POLRMT: variants seen among roughly 807,000 people sequenced by gnomAD.
POLRMT encodes the protein RNA polymerase mitochondrial, also known as DNA-directed RNA polymerase, mitochondrial.
Under a neutral mutation model 132.2 loss-of-function variants are expected in POLRMT, and 114 were observed. The observed-to-expected ratio is 0.86, with a 90% CI of 0.74 to 1.01. The LOEUF (loss-of-function observed/expected upper bound fraction) is 1.01. POLRMT is among the 50% of genes least tolerant of loss of function. POLRMT has a pLI of 0.00. For synonymous variants in POLRMT, 1,020 were observed against 773.4 expected (o/e 1.32, Z -5.29); for missense variants, 2,003 against 1,729.1 (o/e 1.16, Z -2.81).
chr19:622,848 C>T lies in POLRMT; in HGVS notation c.1428G>A (p.Glu476=), dbSNP rs1772228701. 2 of 1,604,240 alleles carry T rather than the reference C, an allele frequency of 1.2e-6. No homozygotes were observed. The highest frequency in any genetic ancestry group is 1.7e-6 in the Non-Finnish European group (2 of 1,176,248). Residue 476 remains glutamate (E), a synonymous_variant, in exon 7 of 21, where the codon GAG becomes GAA. Coordinates refer to ENST00000588649, the MANE Select transcript of POLRMT (RefSeq NM_005035.4). The part of the protein sequence containing the change: ...SLYPFLCLLD[E]REVVRMLLQV... Reference sequence around the variant, plus strand: ...GCAGGAGCATCCGCACCACCTCGCGCTCGTCCAGCAGGCACAGGAAGGGGT... The same window carrying T: ...GCAGGAGCATCCGCACCACCTCGCGTTCGTCCAGCAGGCACAGGAAGGGGT...
intron 5 of POLRMT, among the ~76,000 whole-genome samples, chr19:624,278 G>A (rs1984856706): frequency 6.6e-6 from 1 of 152,124 alleles, no homozygotes; most frequent in South Asian, 2.1e-4. Context: ...CCACAGATGG[G>A]GAGGGGATGG....
At position 620,392 on chromosome 19, in the gene POLRMT, G is replaced by C. The variant is rs55870082; in HGVS notation, c.2736C>G (p.Ala912=). The C allele has an allele frequency of 6.3e-6, 10 of 1,582,658 alleles. No individual in the cohort carries two copies. The highest frequency in any genetic ancestry group is 5.4e-5 in the Admixed American group (3 of 55,920). ...GATGGACGGGGAGGTGGGAGACATAGGCGGCAGGGTCGGAGGCGCGCACAG... is the reference window on the plus strand; with the variant it reads ...GATGGACGGGGAGGTGGGAGACATACGCGGCAGGGTCGGAGGCGCGCACAG... ...ANAVRASDPA[A]YVSHLPVHQD... The change falls in exon 11 of 21, where the codon GCC becomes GCG. Residue 912 remains alanine (A), a synonymous_variant. Coordinates refer to ENST00000588649, the MANE Select transcript of POLRMT (RefSeq NM_005035.4).
chr19:631,443 TC>T (rs1568177799), intron 2 of POLRMT, among the ~76,000 whole-genome samples: 4 of 149,758 alleles, frequency 2.7e-5, no homozygotes, highest in Admixed American at 1.3e-4. Flanking sequence ...ATCAAGACCA[TC>T]CTGGCTAACA....
Position 622,836 on chromosome 19 carries a change from C to G in POLRMT, c.1440G>C (p.Val480=). ...GAAGACGCACCTGCAGGAGCATCCG[C>G]ACCACCTCGCGCTCGTCCAGCAGGC... ...FLCLLDEREV[V]RMLLQVLQAL... Residue 480 remains valine, a synonymous_variant, in exon 7 of 21, where the codon GTG becomes GTC. Coordinates refer to ENST00000588649, the MANE Select transcript of POLRMT (RefSeq NM_005035.4). 1 of 1,598,642 alleles carries G rather than the reference C, an allele frequency of 6.3e-7. No individual in the cohort carries two copies. Among genetic ancestry groups the G allele is most frequent in the African/African-American group, 1.3e-5 (1 of 74,678 alleles).
At position 620,501 on chromosome 19, in the gene POLRMT, G is replaced by A. The variant is rs762953516; in HGVS notation, c.2641-14C>T. ...CCACTTTCGGCCCTGCGGGGACAGC[G>A]GATGGGGGGCAGTGAGGCCCGGGCC... On this transcript the variant is annotated splice_polypyrimidine_tract_variant and intron_variant, in intron 10 of 20. Coordinates refer to ENST00000588649, the MANE Select transcript of POLRMT (RefSeq NM_005035.4). 4.0e-5 allele frequency: 63 copies of A among 1,561,750 alleles called. No homozygotes were observed. The highest frequency in any genetic ancestry group is 5.1e-5 in the Non-Finnish European group (59 of 1,152,312).
In POLRMT at chr19:619,267, G is replaced by A. The variant is rs749166486; in HGVS notation, c.3096C>T (p.Leu1032=). 5.4e-5 allele frequency: 87 copies of A among 1,607,306 alleles called. 1 individual carries two copies. The Middle Eastern group carries it at 8.5e-4, about 16-fold the overall frequency. The part of the protein sequence containing the change: ...QEFVWEASHY[L]VRQVFKSLQE... ...GTAGACTCTTGAAGACCTGGCGTACGAGATAGTGAGAGGCCTCCCACACGA... is the reference window on the plus strand; with the variant it reads ...GTAGACTCTTGAAGACCTGGCGTACAAGATAGTGAGAGGCCTCCCACACGA... Residue 1032 remains leucine (L), a synonymous_variant, in exon 14 of 21, where the codon CTC becomes CTT. Transcript: ENST00000588649.
rs1984603837 is a variant in POLRMT, at chr19:621,564, G to A, written c.2134C>T (p.Arg712Cys). The change falls in exon 10 of 21, where the codon CGC becomes TGC. Residue 712 changes from arginine (R) to cysteine (C), a missense_variant. Physicochemically the swap from Arg to Cys is radical, Grantham distance 180 (BLOSUM62 -3). Transcript: ENST00000588649. ...AGCTGCAGCACCAGGTCCAGCACGCGCCCGTTGACGCGCCAGGCGCAGTTG... is the reference window on the plus strand; with the variant it reads ...AGCTGCAGCACCAGGTCCAGCACGCACCCGTTGACGCGCCAGGCGCAGTTG... Reference protein sequence around the residue: ...LGNCAWRVNGRVLDLVLQLFQ... With the variant: ...LGNCAWRVNGCVLDLVLQLFQ... The A allele has an allele frequency of 4.8e-6, 7 of 1,450,196 alleles. No homozygotes were observed. The highest frequency in any genetic ancestry group is 1.5e-5 in the African/African-American group (1 of 68,954). The allele number at this position is 1,450,196 out of a possible 1,614,324, so 89.8% of individuals were successfully genotyped here.
rs1984756374 is a variant in POLRMT at position 623,069 on chromosome 19, G to T, written c.1291-84C>A. ...AGGACGGGGGTCACCGCAGCTCCCT[G>T]CAGAGACCTCATGGCCCTCAAGGTC... On this transcript the variant is annotated intron_variant, in intron 6 of 20. Coordinates refer to ENST00000588649, the MANE Select transcript of POLRMT (RefSeq NM_005035.4). 1.7e-5 allele frequency: 25 copies of T among 1,476,486 alleles called. 1 individual carries two copies. The South Asian group carries it at 3.2e-4, about 19-fold the overall frequency. The allele number at this position is 1,476,486 out of a possible 1,614,324, so 91.5% of individuals were successfully genotyped here.
rs779345575 is a variant in POLRMT at position 621,351 on chromosome 19, G to A, written c.2347C>T (p.Leu783Phe). Reference sequence around the variant, plus strand: ...TCCCGCAGGTGCTGCGCCAGCGAGAGGCGGTACAGCGCCTCCGCCCGCAGG... The same window carrying A: ...TCCCGCAGGTGCTGCGCCAGCGAGAAGCGGTACAGCGCCTCCGCCCGCAGG... The part of the protein sequence containing the change: ...HSLRAEALYR[L>F]SLAQHLRDRV... Residue 783 changes from leucine to phenylalanine, a missense_variant, in exon 10 of 21, where the codon CTC (leucine) becomes TTC (phenylalanine). Physicochemically the swap from Leu to Phe is conservative, Grantham distance 22 (BLOSUM62 0). Transcript: ENST00000588649. 4.4e-5 allele frequency: 69 copies of A among 1,581,534 alleles called. No individual in the cohort carries two copies. Among genetic ancestry groups the A allele is most frequent in the Non-Finnish European group, 5.2e-5 (61 of 1,171,926 alleles).
At chr19:627,394 C>T (rs3787000) in intron 3 of POLRMT, among the ~76,000 whole-genome samples, 14,160 of 151,316 alleles carry the variant, frequency 0.094, 897 homozygotes, top group East Asian at 0.25. Context: ...CCTCGTGATC[C>T]GCCCGCCTCA....
chr19:625,232 T>A lies in POLRMT; in HGVS notation c.845A>T (p.Tyr282Phe). The change falls in exon 4 of 21, where the codon TAT (tyrosine) becomes TTT (phenylalanine). Residue 282 changes from tyrosine to phenylalanine, a missense_variant. Coordinates refer to ENST00000588649, the MANE Select transcript of POLRMT (RefSeq NM_005035.4). The stretch of plus-strand genomic sequence containing the variant: ...GGCATCCTTCACCATGAATAACACA[T>A]ATACCAGCTCCTTGAAGGCACCCTG... Reference protein sequence around the residue: ...ARQGAFKELVYVLFMVKDAGL... With the variant: ...ARQGAFKELVFVLFMVKDAGL... 2 of 1,613,884 alleles carry A rather than the reference T, an allele frequency of 1.2e-6. No homozygotes were observed. The highest frequency in any genetic ancestry group is 1.7e-6 in the Non-Finnish European group (2 of 1,179,928).
chr19:619,419 G>T, intron 13 of POLRMT, 123 bp from the exon 14 acceptor site: 1 of 1,362,136 alleles, frequency 7.3e-7, no homozygotes. Flanking sequence ...GGGGAATGGG[G>T]CCTGGCGCCC....
chr19:631,342 G>GT (rs991003483), intron 2 of POLRMT, among the ~76,000 whole-genome samples: 1 of 150,364 alleles, frequency 6.7e-6, no homozygotes, highest in Non-Finnish European at 1.5e-5. Flanking sequence ...AAAAAAAGGG[G>GT]GGGGGGGACC....
chr19:619,375 T>C, intron 13 of POLRMT, 79 bp from the exon 14 acceptor site: 1 of 1,510,314 alleles, frequency 6.6e-7, no homozygotes, highest in Non-Finnish European at 9.1e-7. Context: ...TCAGAGCCAC[T>C]GAGGCCCAAG....
In POLRMT at chr19:619,587, TG is replaced by T; in HGVS notation, c.3064del (p.Gln1022ArgfsTer33). 2 of 1,611,398 alleles carry T rather than the reference TG, an allele frequency of 1.2e-6. No homozygotes were observed. The highest frequency in any genetic ancestry group is 4.5e-5 in the East Asian group (2 of 44,872). ...CGCAGCGCGACATGCCTGGCGCACC[TG>T]GGGAAAGTCGCTCAGCTCCCGGAGG... Reference protein sequence around the residue: ...KRLRELSDFPQEFVWEASHYL... With the variant: ...KRLRELSDFPXEFVWEASHYL... On this transcript the variant is annotated frameshift_variant and splice_region_variant, in exon 13 of 21. Transcript: ENST00000588649. LOFTEE classifies it high-confidence loss of function.
chr19:617,883 G>C, intron 17 of POLRMT, 34 bp from the exon 18 acceptor site: 3 of 1,600,798 alleles, frequency 1.9e-6, no homozygotes, highest in Non-Finnish European at 2.6e-6. Flanking sequence ...GAAGGGAGGG[G>C]AGCTCACAGG....
chr19:628,269 G>A (rs188762294), intron 3 of POLRMT, among the ~76,000 whole-genome samples: 85 of 152,346 alleles, frequency 5.6e-4, no homozygotes, highest in African/African-American at 1.9e-3. Context: ...TCCCAAAAGC[G>A]CCCTGTTACA....
intron 13 of POLRMT, 75 bp from the exon 14 acceptor site, chr19:619,371 C>T: frequency 6.6e-7 from 1 of 1,509,054 alleles, no homozygotes. Context: ...TATTTCAGAG[C>T]CACTGAGGCC....
Position 622,693 on chromosome 19 carries a change from A to C in POLRMT, c.1515T>G (p.Ser505Arg), listed in dbSNP as rs1984713761. Reference protein sequence around the residue: ...ESFTTLARELSARTFSRHVVQ... With the variant: ...ESFTTLARELRARTFSRHVVQ... ...CCACGTGCCGGCTGAAAGTGCGCGC[A>C]CTCAGCTCCCGGGCCAGGGTGGTGA... The change falls in exon 8 of 21, where the codon AGT becomes AGG. Residue 505 changes from serine to arginine, a missense_variant. Transcript: ENST00000588649. 1 of 1,604,412 alleles carries C rather than the reference A, an allele frequency of 6.2e-7. No individual in the cohort carries two copies. The highest frequency in any genetic ancestry group is 8.5e-7 in the Non-Finnish European group (1 of 1,176,944).
Sources: gnomAD v4.1 joint callset for allele counts (sites outside exome capture counted in the v4.1 genomes callset) on GRCh38, gnomAD v4.1.1 for gene constraint, MANE v1.5 for transcripts, NCBI Gene and HGNC (gene_info 2026-07-23, HGNC 2026-07-21) for gene names.